Variants in COL4A2 observed in about 807,000 individuals in gnomAD.
The protein encoded by COL4A2 is collagen type IV alpha 2 chain, also known as collagen alpha-2(IV) chain.
Under a neutral mutation model 200.2 loss-of-function variants are expected in COL4A2, and 99 were observed. That is an observed-to-expected ratio of 0.49 (90% confidence interval 0.42 to 0.58). The LOEUF (loss-of-function observed/expected upper bound fraction) is 0.58. Ranked by LOEUF, COL4A2 falls within the 20% of genes least tolerant of loss-of-function variation. The probability of loss-of-function intolerance (pLI) is 0.00; values close to 1 mark genes in which losing one functional copy is unlikely to be tolerated. For missense variants in COL4A2, 1,950 were observed against 2,314.1 expected, an observed-to-expected ratio of 0.84 and a Z score of 3.23; for synonymous variants, 897 against 900.6, an observed-to-expected ratio of 1.00 and a Z score of 0.07.
intron 4 of COL4A2, among the ~76,000 whole-genome samples, chr13:110,391,666 T>G (rs1408270931): frequency 6.6e-6 from 1 of 152,222 alleles, no homozygotes; most frequent in African/African-American, 2.4e-5. Context: ...CCTCAGTGTT[T>G]AGTTCTGCAA....
At position 110,508,310 on chromosome 13, in the gene COL4A2, C is replaced by G; in HGVS notation, c.4881+89C>G. ...CTGCCTTTGTGAGAAGAATCAGACACGGCAGTCCAGGGTGTGCACTGCACA... is the reference window on the plus strand; with the variant it reads ...CTGCCTTTGTGAGAAGAATCAGACAGGGCAGTCCAGGGTGTGCACTGCACA... On this transcript the variant is annotated intron_variant, in intron 47 of 47. Transcript: ENST00000360467. This position sits in a 1 kb window ranked among gnomAD's most constrained non-coding sequence, Gnocchi z 6.1. The G allele has an allele frequency of 6.4e-7, 1 of 1,564,444 alleles. No homozygotes were observed. Among genetic ancestry groups the G allele is most frequent in the East Asian group, 2.3e-5 (1 of 44,396 alleles).
At chr13:110,380,955 C>CTCACACCCACGGGCTCTATG (rs1878457344) in intron 4 of COL4A2, among the ~76,000 whole-genome samples, 1 of 147,276 alleles carries the variant, frequency 6.8e-6, no homozygotes, top group Non-Finnish European at 1.5e-5. Context: ...TGGGCTCTAT[C>CTCACACCCACGGGCTCTATG]TCACACCCAC....
At chr13:110,367,066 G>T (rs925884004) in intron 4 of COL4A2, among the ~76,000 whole-genome samples, 4 of 152,136 alleles carry the variant, frequency 2.6e-5, no homozygotes, top group African/African-American at 9.7e-5. Context: ...CAGCCTAGAG[G>T]TTTGCATTCT....
chr13:110,482,811 A>G, intron 32 of COL4A2, 152 bp downstream of exon 32: 1 of 758,072 alleles, frequency 1.3e-6, no homozygotes, highest in Non-Finnish European at 2.1e-6. Context: ...TGAGCTAACA[A>G]AAACTCAAAG....
At chr13:110,434,201 T>C (rs950895257) in intron 11 of COL4A2, among the ~76,000 whole-genome samples, 200 bp from the exon 12 acceptor site, 4 of 152,180 alleles carry the variant, frequency 2.6e-5, no homozygotes, top group Admixed American at 2.0e-4. Flanking sequence ...CTCCCACTCA[T>C]TCACTCTGAG....
chr13:110,424,849 C>G lies in COL4A2; in HGVS notation c.296C>G (p.Thr99Arg). ...GGTGAAAGGGGAGCCCCCGGAGTAACGGGACCCAAGGGCGACGTGGTACGC... is the reference window on the plus strand; with the variant it reads ...GGTGAAAGGGGAGCCCCCGGAGTAAGGGGACCCAAGGGCGACGTGGTACGC... ...DKGERGAPGV[T>R]GPKGDVGARG... The change falls in exon 5 of 48, where the codon ACG becomes AGG. Residue 99 changes from threonine (T) to arginine (R), a missense_variant. Thr to Arg is a moderately conservative substitution (Grantham distance 71). Around this residue, in one of 2 missense-constraint regions of COL4A2, gnomAD observed 565 missense variants for 593.5 expected, o/e 0.95. Coordinates refer to ENST00000360467, the MANE Select transcript of COL4A2 (RefSeq NM_001846.4). The G allele has an allele frequency of 6.2e-7, 1 of 1,614,104 alleles. No individual in the cohort carries two copies. Among genetic ancestry groups the G allele is most frequent in the South Asian group, 1.1e-5 (1 of 91,076 alleles).
intron 4 of COL4A2, among the ~76,000 whole-genome samples, chr13:110,376,783 G>A (rs558988312): frequency 3.9e-4 from 60 of 152,214 alleles, no homozygotes; most frequent in South Asian, 1.9e-3. Flanking sequence ...CAAGGCCCCC[G>A]AGGACCTTCC....
At chr13:110,310,271 A>G (rs1884938889) in intron 3 of COL4A2, among the ~76,000 whole-genome samples, 1 of 152,052 alleles carries the variant, frequency 6.6e-6, no homozygotes, top group African/African-American at 2.4e-5. Context: ...CCAGACCTAA[A>G]CCCTGAAAGG....
chr13:110,338,852 A>C (rs1202187369), intron 3 of COL4A2, among the ~76,000 whole-genome samples: 1 of 152,222 alleles, frequency 6.6e-6, no homozygotes, highest in Non-Finnish European at 1.5e-5. Context: ...GGGAGGTCAC[A>C]ACGCTTGTGG....
chr13:110,476,221 CG>C (rs111301106), intron 29 of COL4A2, among the ~76,000 whole-genome samples: 63,663 of 151,914 alleles, frequency 0.42, 13,451 homozygotes, highest in Middle Eastern at 0.52. Context: ...GACCTGCCAT[CG>C]CTGCGAATCC....
intron 18 of COL4A2, among the ~76,000 whole-genome samples, chr13:110,447,752 G>A (rs956090397): frequency 2.4e-5 from 3 of 124,862 alleles, no homozygotes; most frequent in Non-Finnish European, 5.4e-5. Flanking sequence ...ACTGAGTGAC[G>A]ACGTGCAGAA....
At chr13:110,407,887 G>T (rs1046274141) in intron 4 of COL4A2, among the ~76,000 whole-genome samples, 1 of 152,204 alleles carries the variant, frequency 6.6e-6, no homozygotes, top group Non-Finnish European at 1.5e-5. Flanking sequence ...GGAAAGGGGG[G>T]TTGTTTCTGT....
intron 4 of COL4A2, among the ~76,000 whole-genome samples, chr13:110,404,157 C>T (rs1043263760): frequency 5.3e-5 from 8 of 152,300 alleles, no homozygotes; most frequent in African/African-American, 1.7e-4. Flanking sequence ...CAGACCATAA[C>T]AGTTACTGCT....
At chr13:110,496,316 C>G (rs1424957773) in intron 40 of COL4A2, among the ~76,000 whole-genome samples, 1 of 152,220 alleles carries the variant, frequency 6.6e-6, no homozygotes, top group Non-Finnish European at 1.5e-5. Context: ...TGTCTCGAGG[C>G]TTGCAGATCA....
At chr13:110,433,235 G>A (rs542637290) in intron 11 of COL4A2, among the ~76,000 whole-genome samples, 14 of 152,346 alleles carry the variant, frequency 9.2e-5, no homozygotes, top group Non-Finnish European at 1.9e-4. Flanking sequence ...ACGCCCCACC[G>A]CCTGGCAGCC....
chr13:110,458,230 G>A, intron 21 of COL4A2: 2 of 420,616 alleles, frequency 4.8e-6, no homozygotes, highest in East Asian at 7.2e-5. Flanking sequence ...TGCCCTGGGG[G>A]AGCCAACCCC....
chr13:110,487,706 A>G (rs1484151159), intron 34 of COL4A2, among the ~76,000 whole-genome samples: 1 of 152,236 alleles, frequency 6.6e-6, no homozygotes, highest in Non-Finnish European at 1.5e-5. Flanking sequence ...TTTATGTTGA[A>G]CAAAATAAAC....
chr13:110,417,706 C>G (rs1880096593), intron 4 of COL4A2, among the ~76,000 whole-genome samples: 1 of 152,174 alleles, frequency 6.6e-6, no homozygotes, highest in Admixed American at 6.5e-5. Context: ...AAAATAGCAT[C>G]AGACAGTAAG....
chr13:110,396,466 T>C (rs978537052), intron 4 of COL4A2, among the ~76,000 whole-genome samples: 2 of 152,226 alleles, frequency 1.3e-5, no homozygotes, highest in Admixed American at 6.5e-5. Context: ...CTGGGTTGAA[T>C]CACCCTGGAC....
Sources: gnomAD v4.1 joint callset for allele counts (sites outside exome capture counted in the v4.1 genomes callset) on GRCh38, gnomAD v4.1.1 for gene constraint, gnomAD v4.1.1 regional missense constraint, Gnocchi (gnomAD v3.1) non-coding constraint, MANE v1.5 for transcripts, NCBI Gene and HGNC (gene_info 2026-07-23, HGNC 2026-07-21) for gene names.